Variants in CCPG1 observed in about 807,000 individuals in gnomAD.
The protein encoded by CCPG1 is cell cycle progression protein 1.
CCPG1 carries 46 observed loss-of-function variants against 81.3 expected under a neutral mutation model. The observed-to-expected ratio is 0.57, with a 90% CI of 0.45 to 0.72. The LOEUF (loss-of-function observed/expected upper bound fraction) is 0.72, where lower values mean the gene tolerates loss of function less well. CCPG1 is among the 30% of genes least tolerant of loss of function. The pLI is 0.00. For synonymous variants in CCPG1, 330 were observed against 305.2 expected (o/e 1.08, Z -0.85); for missense variants, 902 against 937.6 (o/e 0.96, Z 0.50).
intron 3 of CCPG1, among the ~76,000 whole-genome samples, chr15:55,382,634 C>T (rs565946003): frequency 3.3e-5 from 5 of 151,838 alleles, no homozygotes; most frequent in East Asian, 3.9e-4. Context: ...CTCAGCCTCC[C>T]GAGTAGCTGG....
intron 5 of CCPG1, chr15:55,374,332 AATT>A: frequency 1.5e-6 from 1 of 665,226 alleles, no homozygotes; most frequent in South Asian, 1.6e-5. Flanking sequence ...AAAAATACTT[AATT>A]ATCACTTAAC....
Position 55,383,063 on chromosome 15 carries a change from C to G in CCPG1, c.175+2537G>C, listed in dbSNP as rs114574965. Among the ~76,000 whole-genome samples the G allele has an allele frequency of 7.8e-3, 1,191 of 152,318 alleles. 13 individuals carry two copies. The highest frequency in any genetic ancestry group is 0.024 in the African/African-American group (1,001 of 41,552). On this transcript the variant is annotated intron_variant, in intron 3 of 8. Coordinates refer to ENST00000442196, the MANE Select transcript of CCPG1 (RefSeq NM_001204450.2). Reference sequence around the variant, plus strand: ...CCATCAGAACAATCACTATCTATAGCAGCTACAGCCTTACAAAATGTATTT... The same window carrying G: ...CCATCAGAACAATCACTATCTATAGGAGCTACAGCCTTACAAAATGTATTT...
intron 8 of CCPG1, chr15:55,357,394 A>G (rs1434408173): frequency 2.0e-6 from 2 of 985,306 alleles, no homozygotes; most frequent in Non-Finnish European, 2.4e-6. Context: ...TCTGTATTAT[A>G]TTGACCACCT....
chr15:55,364,837 C>T (rs570327282), intron 7 of CCPG1, among the ~76,000 whole-genome samples: 24 of 152,222 alleles, frequency 1.6e-4, no homozygotes, highest in African/African-American at 4.8e-4. Flanking sequence ...TGCACCACTG[C>T]ACTCCAGCCT....
chr15:55,380,290 T>C (rs1385574178), intron 3 of CCPG1, among the ~76,000 whole-genome samples: 1 of 150,488 alleles, frequency 6.6e-6, no homozygotes, highest in African/African-American at 2.4e-5. Flanking sequence ...TTCTTTTTGT[T>C]TTTTTTTTGT....
intron 1 of CCPG1, among the ~76,000 whole-genome samples, chr15:55,394,646 A>G (rs2056982391): frequency 6.6e-6 from 1 of 152,174 alleles, no homozygotes; most frequent in Non-Finnish European, 1.5e-5. Context: ...GAAAGATAAC[A>G]TTGAAACCAG....
intron 4 of CCPG1, among the ~76,000 whole-genome samples, chr15:55,377,451 C>G (rs568476068): frequency 6.6e-6 from 1 of 152,184 alleles, no homozygotes; most frequent in Admixed American, 6.5e-5. Flanking sequence ...ACTTCTCTCA[C>G]GAGTTCCATG....
At chr15:55,397,648 G>T (rs2057046827) in intron 1 of CCPG1, among the ~76,000 whole-genome samples, 2 of 152,164 alleles carry the variant, frequency 1.3e-5, no homozygotes, top group African/African-American at 2.4e-5. Flanking sequence ...TACTGAGGCA[G>T]AAAGACTTCA....
intron 3 of CCPG1, among the ~76,000 whole-genome samples, chr15:55,379,261 C>G (rs2056630831): frequency 6.6e-6 from 1 of 150,952 alleles, no homozygotes; most frequent in Non-Finnish European, 1.5e-5. Context: ...GTGACTCATA[C>G]CTGTCACCCT....
intron 6 of CCPG1, among the ~76,000 whole-genome samples, chr15:55,365,936 AAAAAT>A (rs930130386): frequency 6.6e-6 from 1 of 151,924 alleles, no homozygotes; most frequent in Non-Finnish European, 1.5e-5. Flanking sequence ...TACTAAAAAT[AAAAAT>A]AAAATAAAAT....
chr15:55,375,292 CTA>C (rs1255049660), intron 5 of CCPG1, among the ~76,000 whole-genome samples: 1 of 152,124 alleles, frequency 6.6e-6, no homozygotes, highest in Non-Finnish European at 1.5e-5. Context: ...CCTTTTACGT[CTA>C]TGTCAGTTTC....
At chr15:55,391,887 A>AGGGGGGGG (rs61200003) in intron 1 of CCPG1, among the ~76,000 whole-genome samples, 16 of 44,690 alleles carry the variant, frequency 3.6e-4, no homozygotes, top group South Asian at 1.4e-3. Context: ...AAAAAAAAAA[A>AGGGGGGGG]GGGGGGGGGG....
At position 55,359,696 on chromosome 15, in the gene CCPG1, C is replaced by G. The variant is rs778993588; in HGVS notation, c.2077G>C (p.Asp693His). ...ACAAAGTCAGTGAAGAGCTTCTGAT[C>G]ATGTATAAAGACACCGTTTAGGAAA... ...KFFLNGVFIH[D>H]QKLFTDFVND... Residue 693 changes from aspartate to histidine, a missense_variant, in exon 8 of 9, where the codon GAT (aspartate) becomes CAT (histidine). Physicochemically the swap from Asp to His is moderately conservative, Grantham distance 81. Around this residue, in one of 3 missense-constraint regions of CCPG1, gnomAD observed 128 missense variants for 161.2 expected, o/e 0.79. Transcript: ENST00000442196. 1.9e-6 allele frequency: 3 copies of G among 1,613,416 alleles called. No homozygotes were observed. The highest frequency in any genetic ancestry group is 2.5e-6 in the Non-Finnish European group (3 of 1,179,886).
rs2056605710 is a variant in CCPG1 at position 55,378,190 on chromosome 15, T to C, written c.252+110A>G. 7 of 607,710 alleles carry C rather than the reference T, an allele frequency of 1.2e-5. No homozygotes were observed. The East Asian group carries it at 2.2e-4, about 19-fold the overall frequency. The allele number at this position is 607,710 out of a possible 1,614,324, so 37.6% of individuals were successfully genotyped here. Reference sequence around the variant, plus strand: ...AAGACATCTAACTTAGAAGTCAAAATTGCTTATAATTCAAAATAGGAATAG... The same window carrying C: ...AAGACATCTAACTTAGAAGTCAAAACTGCTTATAATTCAAAATAGGAATAG... On this transcript the variant is annotated intron_variant, in intron 4 of 8. Transcript: ENST00000442196.
rs1566965491 is a variant in CCPG1 at position 55,360,018 on chromosome 15, G to T, written c.1755C>A (p.Gly585=). 6.2e-7 allele frequency: 1 copy of T among 1,613,356 alleles called. No individual in the cohort carries two copies. Among genetic ancestry groups the T allele is most frequent in the Non-Finnish European group, 8.5e-7 (1 of 1,179,878 alleles). ...KAPTENHHNR[G]PTMQNDGRKE... Reference sequence around the variant, plus strand: ...TCCTTCCATCATTTTGCATAGTAGGGCCTCTATTATGATGGTTTTCTGTAG... The same window carrying T: ...TCCTTCCATCATTTTGCATAGTAGGTCCTCTATTATGATGGTTTTCTGTAG... The change falls in exon 8 of 9, where the codon GGC becomes GGA. Residue 585 remains glycine (G), a synonymous_variant. Transcript: ENST00000442196.
chr15:55,388,744 A>G (rs898168792), intron 2 of CCPG1, among the ~76,000 whole-genome samples: 1 of 151,568 alleles, frequency 6.6e-6, no homozygotes, highest in Middle Eastern at 3.4e-3. Context: ...AGCCTGGGCA[A>G]CAGAGCAAGA....
chr15:55,395,811 C>G (rs764464974), intron 1 of CCPG1, among the ~76,000 whole-genome samples: 5 of 152,040 alleles, frequency 3.3e-5, no homozygotes, highest in Non-Finnish European at 5.9e-5. Flanking sequence ...AATCAATAAA[C>G]AAGAAAGGTA....
intron 2 of CCPG1, among the ~76,000 whole-genome samples, chr15:55,386,647 C>A (rs2056804776): frequency 6.6e-6 from 1 of 152,134 alleles, no homozygotes; most frequent in African/African-American, 2.4e-5. Flanking sequence ...GTAATCCCAG[C>A]ACCTTGGGAG....
At chr15:55,402,531 T>C (rs2057147097) in intron 1 of CCPG1, among the ~76,000 whole-genome samples, 1 of 152,132 alleles carries the variant, frequency 6.6e-6, no homozygotes. Context: ...ACCCAGCCAA[T>C]ATGTACTTGT....
Sources: gnomAD v4.1 joint callset for allele counts (sites outside exome capture counted in the v4.1 genomes callset) on GRCh38, gnomAD v4.1.1 for gene constraint, gnomAD v4.1.1 regional missense constraint, MANE v1.5 for transcripts, NCBI Gene and HGNC (gene_info 2026-07-23, HGNC 2026-07-21) for gene names.